Variants in DKK2 observed in about 807,000 individuals in gnomAD.
DKK2 encodes dickkopf Wnt signaling pathway inhibitor 2, also known as dickkopf-related protein 2.
A neutral mutation model predicts 28.1 loss-of-function variants in DKK2; 11 were observed. That is an observed-to-expected ratio of 0.39 (90% CI 0.25 to 0.65). The LOEUF is 0.65. Ranked by LOEUF, DKK2 falls within the 30% of genes least tolerant of loss-of-function variation. The pLI is 0.47. For synonymous variants in DKK2, 135 were observed against 126.5 expected (o/e 1.07, Z -0.45); for missense variants, 326 against 335.5 (o/e 0.97, Z 0.22).
At chr4:106,954,288 TC>T (rs1722553005) in intron 1 of DKK2, among the ~76,000 whole-genome samples, 1 of 152,180 alleles carries the variant, frequency 6.6e-6, no homozygotes, top group Non-Finnish European at 1.5e-5. Context: ...AGTTTTGAGT[TC>T]TTTTTTTGTT....
chr4:106,963,011 G>C (rs980073953), intron 1 of DKK2, among the ~76,000 whole-genome samples: 5 of 152,080 alleles, frequency 3.3e-5, no homozygotes, highest in African/African-American at 1.2e-4. Flanking sequence ...AGTGAGCCAA[G>C]ATCAAGCCAC....
chr4:106,969,440 C>G (rs565897786), intron 1 of DKK2, among the ~76,000 whole-genome samples: 1 of 151,660 alleles, frequency 6.6e-6, no homozygotes, highest in Non-Finnish European at 1.5e-5. Flanking sequence ...TCAGAAAAGC[C>G]CCATGCTGAC....
At chr4:106,933,588 G>A (rs1426106747) in intron 1 of DKK2, among the ~76,000 whole-genome samples, 1 of 152,140 alleles carries the variant, frequency 6.6e-6, no homozygotes, top group Admixed American at 6.5e-5. Flanking sequence ...ATGTCTTGCT[G>A]GCAATGCGCA....
At chr4:106,936,758 A>C (rs1724595952) in intron 1 of DKK2, among the ~76,000 whole-genome samples, 1 of 152,218 alleles carries the variant, frequency 6.6e-6, no homozygotes, top group African/African-American at 2.4e-5. Context: ...TCAGACTAAC[A>C]GCGGATCTCT....
chr4:106,960,614 TAATTTATGTCTCACTA>T (rs1186493034), intron 1 of DKK2, among the ~76,000 whole-genome samples: 2 of 152,204 alleles, frequency 1.3e-5, no homozygotes, highest in Non-Finnish European at 2.9e-5. Flanking sequence ...TTGTCAACAA[TAATTTATGTCTCACTA>T]AATTTATGTC....
chr4:106,957,074 C>T (rs1308457690), intron 1 of DKK2, among the ~76,000 whole-genome samples: 3 of 151,944 alleles, frequency 2.0e-5, no homozygotes, highest in Non-Finnish European at 4.4e-5. Context: ...CAAACAACCC[C>T]ATCAAAAAGT....
At chr4:106,983,445 A>G (rs759830110) in intron 1 of DKK2, among the ~76,000 whole-genome samples, 5 of 152,120 alleles carry the variant, frequency 3.3e-5, no homozygotes, top group Admixed American at 6.5e-5. Context: ...GAATTAACTC[A>G]AAAGTATTGA....
At chr4:106,991,735 C>T (rs1204386938) in intron 1 of DKK2, among the ~76,000 whole-genome samples, 1 of 152,154 alleles carries the variant, frequency 6.6e-6, no homozygotes, top group African/African-American at 2.4e-5. Context: ...ACACAAAAAA[C>T]AGGCATGCAT....
intron 1 of DKK2, among the ~76,000 whole-genome samples, chr4:107,009,097 A>T (rs569328734): frequency 6.6e-6 from 1 of 152,076 alleles, no homozygotes; most frequent in East Asian, 1.9e-4. Context: ...TATCTTCTTA[A>T]CCACCAAAAT....
chr4:106,994,336 T>C (rs974805502), intron 1 of DKK2, among the ~76,000 whole-genome samples: 1 of 152,188 alleles, frequency 6.6e-6, no homozygotes, highest in Non-Finnish European at 1.5e-5. Flanking sequence ...TCACTTGACA[T>C]AATTTTCAGA....
At chr4:106,954,200 C>G (rs1423974547) in intron 1 of DKK2, among the ~76,000 whole-genome samples, 1 of 152,178 alleles carries the variant, frequency 6.6e-6, no homozygotes. Context: ...CACCACTGTG[C>G]CCATTACACT....
chr4:106,972,001 T>C (rs1425672421), intron 1 of DKK2, among the ~76,000 whole-genome samples: 4 of 152,112 alleles, frequency 2.6e-5, no homozygotes, highest in African/African-American at 9.7e-5. Flanking sequence ...TCCATTGTTA[T>C]GAAGGGTCCA....
intron 1 of DKK2, among the ~76,000 whole-genome samples, chr4:106,956,129 C>G (rs1722586695): frequency 6.6e-6 from 1 of 152,124 alleles, no homozygotes; most frequent in South Asian, 2.1e-4. Flanking sequence ...ATAATACAAT[C>G]TAAGAACTAA....
chr4:107,027,157 AT>A (rs1454242537), intron 1 of DKK2, among the ~76,000 whole-genome samples: 7 of 152,202 alleles, frequency 4.6e-5, no homozygotes, highest in African/African-American at 1.7e-4. Context: ...AAGACTCTGG[AT>A]TTCAGAAGAC....
chr4:106,970,071 G>A (rs1183984162), intron 1 of DKK2, among the ~76,000 whole-genome samples: 1 of 152,096 alleles, frequency 6.6e-6, no homozygotes, highest in African/African-American at 2.4e-5. Context: ...CGTAAGCCAG[G>A]TAGCTTTTAT....
intron 1 of DKK2, among the ~76,000 whole-genome samples, chr4:107,018,069 T>C (rs189517750): frequency 8.5e-5 from 13 of 152,058 alleles, no homozygotes; most frequent in African/African-American, 2.4e-4. Flanking sequence ...GAAATCAAAA[T>C]CAAAACGTTG....
At chr4:106,979,134 G>A (rs748986947) in intron 1 of DKK2, among the ~76,000 whole-genome samples, 1 of 151,890 alleles carries the variant, frequency 6.6e-6, no homozygotes, top group East Asian at 1.9e-4. Context: ...CTCCATGGAT[G>A]ACAGGAAATT....
chr4:107,035,725 G>T lies in DKK2; in HGVS notation c.-134C>A. The T allele has an allele frequency of 2.3e-6, 2 of 865,446 alleles. No homozygotes were observed. Among genetic ancestry groups the T allele is most frequent in the East Asian group, 2.6e-5 (1 of 37,996 alleles). 53.6% of individuals were successfully genotyped at this position (865,446 alleles called of 1,614,324 possible). On this transcript the variant is annotated 5_prime_UTR_variant, in exon 1 of 4. Transcript: ENST00000285311. Reference sequence around the variant, plus strand: ...GATTGTGTTCCCTCAACCCTTCCTGGTTCGGGGACCCAGGACCCTATGAAC... The same window carrying T: ...GATTGTGTTCCCTCAACCCTTCCTGTTTCGGGGACCCAGGACCCTATGAAC...
intron 1 of DKK2, among the ~76,000 whole-genome samples, chr4:106,998,361 C>A (rs1455979337): frequency 6.6e-6 from 1 of 152,084 alleles, no homozygotes; most frequent in African/African-American, 2.4e-5. Context: ...TTCCACATTT[C>A]TCTATCAAAT....
Sources: allele counts gnomAD v4.1 joint callset (sites outside exome capture counted in the v4.1 genomes callset), GRCh38; gene constraint gnomAD v4.1.1; transcripts MANE v1.5; gene names NCBI Gene and HGNC (gene_info 2026-07-23, HGNC 2026-07-21).